Variants in ARL14EPL observed in about 807,000 individuals in gnomAD.
ARL14EPL encodes ARF like GTPase 14 effector protein like.
In ARL14EPL, 17 loss-of-function variants were observed where a neutral mutation model predicts 15.9. The observed-to-expected ratio is 1.07, with a 90% confidence interval of 0.73 to 1.60. The LOEUF is 1.60. ARL14EPL is among the 40% of genes most tolerant of loss of function. The pLI, the probability that ARL14EPL is intolerant of heterozygous loss-of-function variation, is 0.00. For synonymous variants in ARL14EPL, 78 were observed against 63.8 expected (o/e 1.22, Z -1.06); for missense variants, 214 against 185.9 (o/e 1.15, Z -0.88).
At chr5:116,054,946 A>G (rs1749480391) in intron 3 of ARL14EPL, among the ~76,000 whole-genome samples, 1 of 152,078 alleles carries the variant, frequency 6.6e-6, no homozygotes, top group Non-Finnish European at 1.5e-5. Context: ...CTCCATAAAA[A>G]CAGTGAAAGA....
Position 116,058,794 on chromosome 5 carries a change from G to T in ARL14EPL, c.306G>T (p.Glu102Asp). The T allele has an allele frequency of 6.5e-7, 1 of 1,535,982 alleles. No individual in the cohort carries two copies. Among genetic ancestry groups the T allele is most frequent in the Non-Finnish European group, 8.7e-7 (1 of 1,146,908 alleles). ...ACGCTGATCTGTGTGATTGTCTAGA[G>T]AAGAACTGCCTGGGCTGCTTCTACC... ...CNDADLCDCL[E>D]KNCLGCFYPC... Residue 102 changes from glutamate (E) to aspartate (D), a missense_variant, in exon 4 of 4, where the codon GAG (glutamate) becomes GAT (aspartate). Glu to Asp is a conservative substitution (Grantham distance 45). Coordinates refer to ENST00000686077, the MANE Select transcript of ARL14EPL (RefSeq NM_001195581.2).
At chr5:116,054,233 C>T (rs1343236556) in intron 3 of ARL14EPL, 80 bp downstream of exon 3, 3 of 1,344,068 alleles carry the variant, frequency 2.2e-6, no homozygotes, top group Non-Finnish European at 2.0e-6. Context: ...TGAAAGATTC[C>T]CTCTTTTTAT....
chr5:116,055,096 G>A (rs1308439685), intron 3 of ARL14EPL, among the ~76,000 whole-genome samples: 1 of 152,046 alleles, frequency 6.6e-6, no homozygotes, highest in Non-Finnish European at 1.5e-5. Flanking sequence ...ATTTCATAGA[G>A]GAAACAACAA....
intron 1 of ARL14EPL, among the ~76,000 whole-genome samples, chr5:116,047,013 G>A (rs970479982): frequency 3.9e-5 from 6 of 152,206 alleles, no homozygotes; most frequent in African/African-American, 1.4e-4. Flanking sequence ...GAAGCAGGCA[G>A]CCTGCAAGCC....
intron 3 of ARL14EPL, among the ~76,000 whole-genome samples, chr5:116,057,677 G>A (rs1337093202): frequency 6.6e-6 from 1 of 152,170 alleles, no homozygotes; most frequent in East Asian, 1.9e-4. Flanking sequence ...TTGCTAAAGC[G>A]TGATCATCAG....
Position 116,054,151 on chromosome 5 carries a change from C to A in ARL14EPL, c.234C>A (p.Tyr78Ter). Residue 78 changes from tyrosine to a stop codon, truncating the protein, a stop_gained and splice_region_variant, in exon 3 of 4, where the codon TAC (tyrosine) becomes TAA (stop). Transcript: ENST00000686077. LOFTEE classifies it high-confidence loss of function. ...TGAATGAATATTTTTCTACCAAATA[C>A]AAGTAAGATTCTGACTTATTGTATT... Reference protein sequence around the residue: ...SKMNEYFSTKYKIMRKYDKSG... With the variant: ...SKMNEYFSTK The A allele has an allele frequency of 1.3e-6, 2 of 1,534,744 alleles. No individual in the cohort carries two copies. The highest frequency in any genetic ancestry group is 1.7e-6 in the Non-Finnish European group (2 of 1,146,154).
intron 1 of ARL14EPL, among the ~76,000 whole-genome samples, chr5:116,033,209 G>A (rs1036663371): frequency 6.6e-6 from 1 of 152,168 alleles, no homozygotes; most frequent in African/African-American, 2.4e-5. Flanking sequence ...ACTTACCGTG[G>A]TTTGAGTTAC....
At chr5:116,048,431 G>A (rs183275103) in intron 1 of ARL14EPL, among the ~76,000 whole-genome samples, 2 of 152,086 alleles carry the variant, frequency 1.3e-5, no homozygotes, top group African/African-American at 2.4e-5. Context: ...TTTGTGTCAC[G>A]GATCCCTTTG....
At chr5:116,049,713 A>G (rs1749334463) in intron 1 of ARL14EPL, among the ~76,000 whole-genome samples, 1 of 152,164 alleles carries the variant, frequency 6.6e-6, no homozygotes, top group Admixed American at 6.5e-5. Flanking sequence ...AGTTTGAAGG[A>G]CCATAAAAGA....
chr5:116,039,013 G>A (rs1749100157), intron 1 of ARL14EPL, among the ~76,000 whole-genome samples: 1 of 152,158 alleles, frequency 6.6e-6, no homozygotes, highest in South Asian at 2.1e-4. Context: ...GAAATGCACA[G>A]ACAAACCGCC....
In ARL14EPL at chr5:116,058,985, A is replaced by G. The variant is rs1749587335; in HGVS notation, c.*38A>G. On this transcript the variant is annotated 3_prime_UTR_variant, in exon 4 of 4. Transcript: ENST00000686077. Reference sequence around the variant, plus strand: ...ATGGACTGATTTGTTTCTTCTTCTTACACATTTAAGTTGACCTCTTTCTTT... The same window carrying G: ...ATGGACTGATTTGTTTCTTCTTCTTGCACATTTAAGTTGACCTCTTTCTTT... The G allele has an allele frequency of 1.3e-6, 2 of 1,518,398 alleles. 1 individual carries two copies. Among genetic ancestry groups the G allele is most frequent in the South Asian group, 2.4e-5 (2 of 83,664 alleles). 94.1% of individuals were successfully genotyped at this position (1,518,398 alleles called of 1,614,324 possible).
At chr5:116,041,333 A>G (rs1749154143) in intron 1 of ARL14EPL, among the ~76,000 whole-genome samples, 2 of 152,204 alleles carry the variant, frequency 1.3e-5, no homozygotes, top group South Asian at 4.1e-4. Flanking sequence ...GTAAAAATAT[A>G]TGTATTTATT....
At chr5:116,049,931 C>A (rs1326036132) in intron 1 of ARL14EPL, among the ~76,000 whole-genome samples, 1 of 152,138 alleles carries the variant, frequency 6.6e-6, no homozygotes, top group Non-Finnish European at 1.5e-5. Context: ...GAAATTATGG[C>A]AGCAAATGCA....
intron 1 of ARL14EPL, among the ~76,000 whole-genome samples, chr5:116,046,572 G>T (rs1580413737): frequency 6.6e-6 from 1 of 152,114 alleles, no homozygotes; most frequent in Non-Finnish European, 1.5e-5. Context: ...ACCTTGCCAG[G>T]GTGTGGTATT....
intron 1 of ARL14EPL, among the ~76,000 whole-genome samples, chr5:116,043,356 C>A (rs901655043): frequency 6.6e-5 from 10 of 151,794 alleles, no homozygotes; most frequent in Middle Eastern, 3.2e-3. Flanking sequence ...AAAAAGCAAC[C>A]AATTTTACAT....
intron 3 of ARL14EPL, among the ~76,000 whole-genome samples, chr5:116,055,201 T>C (rs1041322521): frequency 3.9e-5 from 6 of 152,192 alleles, no homozygotes; most frequent in African/African-American, 1.4e-4. Flanking sequence ...TCAAAGCTGA[T>C]GAAGCTATGA....
chr5:116,037,220 C>T (rs1749063093), intron 1 of ARL14EPL, among the ~76,000 whole-genome samples: 2 of 152,126 alleles, frequency 1.3e-5, no homozygotes, highest in African/African-American at 4.8e-5. Context: ...TTTTTGGTTT[C>T]ATACATTGAA....
chr5:116,057,254 G>A lies in ARL14EPL; in HGVS notation c.237-1471G>A, dbSNP rs572809904. Among the ~76,000 whole-genome samples, 24 of 152,286 alleles carry A rather than the reference G, an allele frequency of 1.6e-4. 1 individual carries two copies. The South Asian group carries it at 5.0e-3, about 32-fold the overall frequency. On this transcript the variant is annotated intron_variant, in intron 3 of 3. Transcript: ENST00000686077. ...ATCAAGGTACAGTTCCTTTTTGAGG[G>A]GAGGGTAGAGGGATGCAATGGGTGG... is the stretch of plus-strand genomic sequence containing the variant.
intron 1 of ARL14EPL, among the ~76,000 whole-genome samples, chr5:116,034,361 T>C (rs958363350): frequency 3.9e-5 from 6 of 152,182 alleles, no homozygotes; most frequent in Non-Finnish European, 7.3e-5. Flanking sequence ...TTCCTTTGAC[T>C]TGTCAATAGT....
Sources: gnomAD v4.1 joint callset for allele counts (sites outside exome capture counted in the v4.1 genomes callset) on GRCh38, gnomAD v4.1.1 for gene constraint, MANE v1.5 for transcripts, NCBI Gene and HGNC (gene_info 2026-07-23, HGNC 2026-07-21) for gene names.